Variants in ATP8A2 observed in about 807,000 individuals in gnomAD.
ATP8A2 encodes the protein phospholipid-transporting ATPase IB.
In ATP8A2, 100 loss-of-function variants were observed where a neutral mutation model predicts 165.6. That is an observed-to-expected ratio of 0.60 (90% CI 0.51 to 0.71). ATP8A2 has a LOEUF of 0.71. Ranked by LOEUF, ATP8A2 falls within the 30% of genes least tolerant of loss-of-function variation. ATP8A2 has a pLI of 0.00. For synonymous variants in ATP8A2, 543 were observed against 548.8 expected (o/e 0.99, Z 0.15); for missense variants, 1,227 against 1,479.5 (o/e 0.83, Z 2.80).
intron 25 of ATP8A2, among the ~76,000 whole-genome samples, chr13:25,720,028 G>A (rs76111748): frequency 0.023 from 3,482 of 152,120 alleles, 113 homozygotes; most frequent in African/African-American, 0.072. Context: ...CATCCTGGAG[G>A]CACAGCTCAG....
chr13:25,883,986 C>A (rs544143845), intron 33 of ATP8A2, among the ~76,000 whole-genome samples: 8 of 152,140 alleles, frequency 5.3e-5, no homozygotes, highest in Admixed American at 2.0e-4. Flanking sequence ...GTTATTTTAT[C>A]CCTTTTGTGC....
chr13:25,473,466 G>A (rs2035904077), intron 2 of ATP8A2, among the ~76,000 whole-genome samples: 1 of 152,112 alleles, frequency 6.6e-6, no homozygotes, highest in African/African-American at 2.4e-5. Flanking sequence ...GATTATGTAT[G>A]TGTCCACCTA....
At chr13:25,966,450 G>T (rs1460284924) in intron 34 of ATP8A2, among the ~76,000 whole-genome samples, 1 of 152,106 alleles carries the variant, frequency 6.6e-6, no homozygotes, top group Admixed American at 6.6e-5. Context: ...TCTAATTCAG[G>T]CGTTATTAGA....
chr13:25,404,111 T>A (rs747553821), intron 1 of ATP8A2, among the ~76,000 whole-genome samples: 27 of 152,278 alleles, frequency 1.8e-4, no homozygotes, highest in Middle Eastern at 3.4e-3. Context: ...GGCTGATTGG[T>A]AAGTGCTTCA....
chr13:25,825,281 C>A (rs935552470), intron 27 of ATP8A2, among the ~76,000 whole-genome samples: 1 of 150,616 alleles, frequency 6.6e-6, no homozygotes, highest in Non-Finnish European at 1.5e-5. Flanking sequence ...CCTTAGCCTC[C>A]CGAGTAGCTG....
chr13:25,685,265 T>C (rs1172662242), intron 24 of ATP8A2, among the ~76,000 whole-genome samples: 1 of 152,194 alleles, frequency 6.6e-6, no homozygotes, highest in African/African-American at 2.4e-5. Flanking sequence ...GCCGATTAGA[T>C]ATATGGGTGT....
In ATP8A2 at chr13:25,925,951, C is replaced by T. The variant is rs369957035; in HGVS notation, c.3184-35624C>T. Reference sequence around the variant, plus strand: ...ATATTGGCCAGGCTGGTCTTAAACTCCTGACCTCAGGTGATTCACCTGCCT... The same window carrying T: ...ATATTGGCCAGGCTGGTCTTAAACTTCTGACCTCAGGTGATTCACCTGCCT... On this transcript the variant is annotated intron_variant, in intron 33 of 36. Transcript: ENST00000381655. Among the ~76,000 whole-genome samples, 17 of 152,036 alleles carry T rather than the reference C, an allele frequency of 1.1e-4. No individual in the cohort carries two copies. In the East Asian group the frequency reaches 1.7e-3, roughly 16 times the overall value.
intron 25 of ATP8A2, among the ~76,000 whole-genome samples, chr13:25,739,316 T>G (rs2138136606): frequency 6.6e-6 from 1 of 152,308 alleles, no homozygotes; most frequent in African/African-American, 2.4e-5. Context: ...TAAGTGGAGC[T>G]TGTTCACCTC....
chr13:25,483,189 G>A (rs994516528), intron 2 of ATP8A2, among the ~76,000 whole-genome samples: 8 of 152,194 alleles, frequency 5.3e-5, no homozygotes, highest in African/African-American at 1.7e-4. Flanking sequence ...GAAGCACTTG[G>A]GATGGTTAGC....
At chr13:25,611,052 C>T (rs9581406) in intron 24 of ATP8A2, among the ~76,000 whole-genome samples, 74,940 of 151,640 alleles carry the variant, frequency 0.49, 20,186 homozygotes, top group Admixed American at 0.61. Context: ...TTGGATGAGT[C>T]TTAAGGGTTT....
intron 28 of ATP8A2, 100 bp from the exon 29 acceptor site, chr13:25,837,063 T>C: frequency 6.9e-7 from 1 of 1,451,800 alleles, no homozygotes; most frequent in Non-Finnish European, 9.3e-7. Context: ...GTCTCAGGTT[T>C]GGACTTGACT....
At chr13:25,718,329 CG>C (rs1165365102) in intron 25 of ATP8A2, among the ~76,000 whole-genome samples, 2 of 152,126 alleles carry the variant, frequency 1.3e-5, no homozygotes, top group Non-Finnish European at 2.9e-5. Flanking sequence ...CACAGAGACT[CG>C]GGGTCAGAAA....
chr13:25,886,681 G>T (rs1448258401), intron 33 of ATP8A2, among the ~76,000 whole-genome samples: 2 of 152,206 alleles, frequency 1.3e-5, no homozygotes, highest in Non-Finnish European at 2.9e-5. Context: ...CTTCCAAGTG[G>T]CAGCCCAGAG....
intron 25 of ATP8A2, among the ~76,000 whole-genome samples, chr13:25,710,683 GC>G (rs1300451483): frequency 6.6e-6 from 1 of 152,170 alleles, no homozygotes; most frequent in African/African-American, 2.4e-5. Flanking sequence ...CACAACCTTT[GC>G]CTGCCTAGAG....
intron 25 of ATP8A2, among the ~76,000 whole-genome samples, chr13:25,715,735 G>A (rs1450289539): frequency 6.6e-6 from 1 of 152,066 alleles, no homozygotes; most frequent in African/African-American, 2.4e-5. Context: ...TTACTTCTTG[G>A]CTACTATGAA....
chr13:25,583,167 A>G (rs1376965729), intron 23 of ATP8A2, among the ~76,000 whole-genome samples: 1 of 152,214 alleles, frequency 6.6e-6, no homozygotes, highest in African/African-American at 2.4e-5. Flanking sequence ...GCATTTTTAC[A>G]AATGAAGAAT....
intron 24 of ATP8A2, among the ~76,000 whole-genome samples, chr13:25,645,039 A>G (rs2041634915): frequency 6.6e-6 from 1 of 152,008 alleles, no homozygotes; most frequent in South Asian, 2.1e-4. Flanking sequence ...CTATTTTTCT[A>G]GTCTTTATTT....
chr13:25,983,429 C>T (rs769432631), intron 35 of ATP8A2, among the ~76,000 whole-genome samples: 1 of 152,134 alleles, frequency 6.6e-6, no homozygotes, highest in Non-Finnish European at 1.5e-5. Context: ...AAACCATTAA[C>T]CATTGACATT....
chr13:25,946,216 C>G (rs559890880), intron 33 of ATP8A2, among the ~76,000 whole-genome samples: 1 of 152,300 alleles, frequency 6.6e-6, no homozygotes, highest in East Asian at 1.9e-4. Context: ...CTGCTGAGAC[C>G]ATCCCTGTGA....
Sources: gnomAD v4.1 joint callset for allele counts (sites outside exome capture counted in the v4.1 genomes callset) on GRCh38, gnomAD v4.1.1 for gene constraint, MANE v1.5 for transcripts, NCBI Gene and HGNC (gene_info 2026-07-23, HGNC 2026-07-21) for gene names.